The following NPAT variants were observed in gnomAD, a reference collection of about 807,000 sequenced individuals.
The protein encoded by NPAT is nuclear protein, coactivator of histone transcription.
Under a neutral mutation model 130.7 loss-of-function variants are expected in NPAT, and 52 were observed. That is an observed-to-expected ratio of 0.40 (90% CI 0.32 to 0.50). The LOEUF (loss-of-function observed/expected upper bound fraction) is 0.50. NPAT is among the 20% of genes least tolerant of loss of function. NPAT has a pLI of 0.68. For missense variants in NPAT, 1,687 were observed against 1,662.6 expected (o/e 1.01, Z -0.26); for synonymous variants, 580 against 584.8 (o/e 0.99, Z 0.12).
chr11:108,222,436 C>A (rs987030345), intron 1 of NPAT, 64 bp downstream of exon 1: 3 of 1,572,406 alleles, frequency 1.9e-6, no homozygotes, highest in African/African-American at 2.7e-5. Context: ...AACCTTTGGC[C>A]TCAAAGGTCC....
In NPAT at chr11:108,194,289, A is replaced by G. The variant is rs954619683; in HGVS notation, c.157-272T>C. 3.3e-4 allele frequency among the ~76,000 whole-genome samples: 51 copies of G among 152,340 alleles called. 2 individuals are homozygous for G. The highest frequency in any genetic ancestry group is 1.2e-3 in the African/African-American group (49 of 41,586). On this transcript the variant is annotated intron_variant, in intron 2 of 17. Transcript: ENST00000278612. ...CCTCTCAGCAGACAGCTATACATAC[A>G]TGTACAAATGCATATACACAAGCAT... is the stretch of plus-strand genomic sequence containing the variant.
At chr11:108,208,585 CT>C in intron 1 of NPAT, 28 of 251,894 alleles carry the variant, frequency 1.1e-4, no homozygotes, top group East Asian at 2.4e-4. Flanking sequence ...GAGACCCTGT[CT>C]TTAAAAAAAA....
intron 4 of NPAT, among the ~76,000 whole-genome samples, chr11:108,190,979 G>C (rs1055261416): frequency 3.9e-5 from 6 of 152,168 alleles, no homozygotes; most frequent in African/African-American, 1.4e-4. Flanking sequence ...TGAGGTGGGA[G>C]AAACTTTTGA....
chr11:108,177,655 C>T (rs1258899332), intron 10 of NPAT, among the ~76,000 whole-genome samples: 2 of 152,044 alleles, frequency 1.3e-5, no homozygotes, highest in Non-Finnish European at 2.9e-5. Context: ...TATTCCTAAA[C>T]ATTAAAATGA....
At chr11:108,215,885 C>G (rs1384375007) in intron 1 of NPAT, among the ~76,000 whole-genome samples, 1 of 152,238 alleles carries the variant, frequency 6.6e-6, no homozygotes, top group Non-Finnish European at 1.5e-5. Flanking sequence ...TCTCAGATAA[C>G]ATGACTTCAA....
At chr11:108,189,068 T>C in intron 6 of NPAT, 38 bp downstream of exon 6, 1 of 1,516,600 alleles carries the variant, frequency 6.6e-7, no homozygotes, top group Non-Finnish European at 9.1e-7. Flanking sequence ...TACAATTTGA[T>C]TAACAACAAA....
At chr11:108,204,544 GGAACCTGCC>G (rs56249815) in intron 1 of NPAT, among the ~76,000 whole-genome samples, 81,564 of 151,388 alleles carry the variant, frequency 0.54, 22,463 homozygotes, top group Middle Eastern at 0.74. Flanking sequence ...ACAAAACCCT[GGAACCTGCC>G]GAACCTGCCG....
At chr11:108,188,039 AT>A in intron 7 of NPAT, 58 bp downstream of exon 7, 1 of 1,088,130 alleles carries the variant, frequency 9.2e-7, no homozygotes, top group Non-Finnish European at 1.4e-6. Flanking sequence ...TCCTGATGTA[AT>A]TCTTTTTTTT....
At chr11:108,208,964 T>A (rs1279839241) in intron 1 of NPAT, among the ~76,000 whole-genome samples, 1 of 152,166 alleles carries the variant, frequency 6.6e-6, no homozygotes. Context: ...AGTGGAAAAT[T>A]TACAGCTATA....
intron 13 of NPAT, chr11:108,171,985 A>T (rs1407621630): frequency 1.8e-6 from 1 of 563,836 alleles, no homozygotes; most frequent in African/African-American, 1.9e-5. Flanking sequence ...AAGAAAAAAG[A>T]AAAACCACTA....
At chr11:108,217,194 T>A (rs905644425) in intron 1 of NPAT, among the ~76,000 whole-genome samples, 1 of 152,136 alleles carries the variant, frequency 6.6e-6, no homozygotes, top group African/African-American at 2.4e-5. Flanking sequence ...GGCGTGTGAG[T>A]GCTCCCTTCA....
intron 17 of NPAT, among the ~76,000 whole-genome samples, chr11:108,159,510 A>G (rs1394514927): frequency 6.6e-6 from 1 of 152,224 alleles, no homozygotes; most frequent in African/African-American, 2.4e-5. Flanking sequence ...CACAGGACCA[A>G]TAAGCAGTAG....
intron 2 of NPAT, among the ~76,000 whole-genome samples, chr11:108,194,252 C>T (rs1165297910): frequency 1.3e-5 from 2 of 152,194 alleles, no homozygotes; most frequent in African/African-American, 4.8e-5. Context: ...TTGGGTATCA[C>T]TGCTTCCAGA....
At chr11:108,208,071 A>G (rs2078346273) in intron 1 of NPAT, among the ~76,000 whole-genome samples, 1 of 152,202 alleles carries the variant, frequency 6.6e-6, no homozygotes, top group South Asian at 2.1e-4. Flanking sequence ...AGTGTTTCAG[A>G]TTGTTCTCCC....
chr11:108,166,427 T>C (rs1356304174), intron 15 of NPAT, among the ~76,000 whole-genome samples: 1 of 152,136 alleles, frequency 6.6e-6, no homozygotes, highest in Non-Finnish European at 1.5e-5. Context: ...TCCTTTATCC[T>C]AATGTCATAA....
chr11:108,176,216 T>A (rs748334375), intron 12 of NPAT, 30 bp downstream of exon 12: 12 of 1,462,922 alleles, frequency 8.2e-6, no homozygotes, highest in Non-Finnish European at 1.1e-5. Context: ...AAGATTTGGA[T>A]TGATGATATT....
intron 2 of NPAT, among the ~76,000 whole-genome samples, chr11:108,195,746 T>A (rs570870131): frequency 5.9e-5 from 9 of 152,204 alleles, no homozygotes; most frequent in African/African-American, 2.2e-4. Context: ...TCCAGCCTCA[T>A]CCTCCCAAGC....
intron 10 of NPAT, among the ~76,000 whole-genome samples, chr11:108,179,594 C>T (rs145429205): frequency 1.3e-5 from 2 of 152,116 alleles, no homozygotes; most frequent in Admixed American, 6.5e-5. Flanking sequence ...ATGAGTTAGA[C>T]CTAAAAGTAT....
intron 3 of NPAT, among the ~76,000 whole-genome samples, chr11:108,192,650 G>A (rs1273976852): frequency 1.3e-5 from 2 of 151,974 alleles, no homozygotes; most frequent in Non-Finnish European, 2.9e-5. Flanking sequence ...TCTCTCACTG[G>A]GTTATTCTAA....
Sources: gnomAD v4.1 joint callset for allele counts (sites outside exome capture counted in the v4.1 genomes callset) on GRCh38, gnomAD v4.1.1 for gene constraint, MANE v1.5 for transcripts, NCBI Gene and HGNC (gene_info 2026-07-23, HGNC 2026-07-21) for gene names.